Variants in PAX3 observed in about 807,000 individuals in gnomAD.
The protein encoded by PAX3 is paired box protein Pax-3.
Under a neutral mutation model 51.6 loss-of-function variants are expected in PAX3, and 14 were observed. The ratio of observed to expected loss-of-function variants is 0.27; its 90% CI spans 0.18 to 0.42. The LOEUF is 0.42. Among genes scored for constraint, PAX3 ranks in the 10% least tolerant of loss-of-function variants. The pLI is 1.00. For synonymous variants in PAX3, 280 were observed against 253.4 expected, an observed-to-expected ratio of 1.11 and a Z score of -1.00; for missense variants, 540 against 642.8, an observed-to-expected ratio of 0.84 and a Z score of 1.73.
At chr2:222,268,646 A>G (rs1480898259) in intron 4 of PAX3, among the ~76,000 whole-genome samples, 1 of 152,066 alleles carries the variant, frequency 6.6e-6, no homozygotes, top group Admixed American at 6.5e-5. Flanking sequence ...GGCAGAGGGG[A>G]GTGTTCGCCA....
intron 4 of PAX3, among the ~76,000 whole-genome samples, chr2:222,259,407 CA>C (rs1693762053): frequency 6.6e-6 from 1 of 152,096 alleles, no homozygotes; most frequent in Non-Finnish European, 1.5e-5. Context: ...AGAGATTGTA[CA>C]AAACAAATAA....
At chr2:222,279,439 G>A (rs1025543146) in intron 4 of PAX3, among the ~76,000 whole-genome samples, 2 of 152,170 alleles carry the variant, frequency 1.3e-5, no homozygotes, top group African/African-American at 4.8e-5. Flanking sequence ...TTCACCTAAG[G>A]TCAGCCCACA....
chr2:222,297,312 C>A lies in PAX3; in HGVS notation c.86-99G>T, dbSNP rs45499698. Reference sequence around the variant, plus strand: ...TAATTTCGCAGTCTTCTGTCCTATCCTCATGTTACAGCACCGACGCTGAAA... The same window carrying A: ...TAATTTCGCAGTCTTCTGTCCTATCATCATGTTACAGCACCGACGCTGAAA... On this transcript the variant is annotated intron_variant, in intron 1 of 8. Coordinates refer to ENST00000392070, the MANE Select transcript of PAX3 (RefSeq NM_181458.4). The A allele has an allele frequency of 1.9e-3, 1,686 of 883,386 alleles. 18 individuals carry two copies. In the African/African-American group the frequency reaches 0.023, roughly 12 times the overall value. The allele number at this position is 883,386 out of a possible 1,614,324, so 54.7% of individuals were successfully genotyped here. A position where few individuals can be genotyped will look rare whatever the true frequency, so the allele number is the denominator to read the frequency against.
At chr2:222,209,827 G>A (rs1280605065) in intron 7 of PAX3, among the ~76,000 whole-genome samples, 5 of 149,136 alleles carry the variant, frequency 3.4e-5, no homozygotes, top group Non-Finnish European at 7.4e-5. Context: ...GGAAGTCAAG[G>A]CTGCAATGAG....
rs545098836 is a variant in PAX3, at chr2:222,289,506, T to TG, written c.586+4660dup. Reference sequence around the variant, plus strand: ...CCGGGTGGGTTTTATTGCTCAGCCCTGGGGACTTTTAAATGACCCTTCAGT... The same window carrying TG: ...CCGGGTGGGTTTTATTGCTCAGCCCTGGGGGACTTTTAAATGACCCTTCAGT... On this transcript the variant is annotated intron_variant, in intron 4 of 8. Transcript: ENST00000392070. Among the ~76,000 whole-genome samples the TG allele has an allele frequency of 6.2e-4, 95 of 152,308 alleles. 1 individual carries two copies. In the South Asian group the frequency reaches 0.011, roughly 17 times the overall value.
At position 222,201,294 on chromosome 2, in the gene PAX3, C is replaced by A; in HGVS notation, c.*114G>T. On this transcript the variant is annotated 3_prime_UTR_variant, in exon 9 of 9. Coordinates refer to ENST00000392070, the MANE Select transcript of PAX3 (RefSeq NM_181458.4). The stretch of plus-strand genomic sequence containing the variant: ...CCTTTGTCTCCTATTGGGACCACTG[C>A]CCCACCCCCCCCAACAAAAGGGTAA... The A allele has an allele frequency of 1.3e-6, 2 of 1,593,344 alleles. No homozygotes were observed. The highest frequency in any genetic ancestry group is 1.1e-5 in the South Asian group (1 of 90,272).
Position 222,202,161 on chromosome 2 carries a change from C to T in PAX3, c.1203G>A (p.Gly401=). ...QVMGLLTNHG[G]VPHQPQTDYA... ...AATCAGTCTGGGGCTGATGAGGTAC[C>T]CCACCGTGGTTGGTCAGGAGTCCCA... Residue 401 remains glycine (G), a synonymous_variant, in exon 8 of 9, where the codon GGG becomes GGA. Transcript: ENST00000392070. The T allele has an allele frequency of 6.2e-7, 1 of 1,606,076 alleles. No homozygotes were observed.
At position 222,249,703 on chromosome 2, in the gene PAX3, C is replaced by T. The variant is rs561447921; in HGVS notation, c.587-17420G>A. Among the ~76,000 whole-genome samples, 8 of 152,274 alleles carry T rather than the reference C, an allele frequency of 5.3e-5. 1 individual carries two copies. The East Asian group carries it at 7.7e-4, about 15-fold the overall frequency. On this transcript the variant is annotated intron_variant, in intron 4 of 8. Coordinates refer to ENST00000392070, the MANE Select transcript of PAX3 (RefSeq NM_181458.4). ...GAGATTCAGAAGAAGCCCTTGCCCC[C>T]GGGGTCCCGCAGTTCTCTCCACTGT...
chr2:222,202,134 G>A lies in PAX3; in HGVS notation c.1230C>T (p.Tyr410=), dbSNP rs147111779. Residue 410 remains tyrosine (Y), a synonymous_variant, in exon 8 of 9, where the codon TAC becomes TAT. Coordinates refer to ENST00000392070, the MANE Select transcript of PAX3 (RefSeq NM_181458.4). ...GACCCCCGGTGAGAGGGGAGAGCGC[G>A]TAATCAGTCTGGGGCTGATGAGGTA... ...GGVPHQPQTD[Y]ALSPLTGGLE... The A allele has an allele frequency of 3.7e-5, 59 of 1,612,104 alleles. No homozygotes were observed. Among genetic ancestry groups the A allele is most frequent in the Middle Eastern group, 1.6e-4 (1 of 6,078 alleles).
At position 222,220,153 on chromosome 2, in the gene PAX3, C is replaced by T. The variant is rs987480491; in HGVS notation, c.1160G>A (p.Gly387Asp). The change falls in exon 7 of 9, where the codon GGC becomes GAC. Residue 387 changes from glycine (G) to aspartate (D), a missense_variant. Around this residue, in one of 3 missense-constraint regions of PAX3, gnomAD observed 427 missense variants for 483.6 expected, o/e 0.88. Transcript: ENST00000392070. ...CACGGGACTGACCTGAGGTGAGAGG[C>T]CATTGCCAATGGTGGGGTTCATGGG... is the stretch of plus-strand genomic sequence containing the variant. ...SNPMNPTIGN[G>D]LSPQVMGLLT... 3 of 1,613,374 alleles carry T rather than the reference C, an allele frequency of 1.9e-6. No individual in the cohort carries two copies. Among genetic ancestry groups the T allele is most frequent in the Admixed American group, 3.3e-5 (2 of 59,974 alleles).
chr2:222,289,754 A>G (rs998151289), intron 4 of PAX3, among the ~76,000 whole-genome samples: 1 of 152,246 alleles, frequency 6.6e-6, no homozygotes, highest in Admixed American at 6.5e-5. Flanking sequence ...TTCCAGCAGG[A>G]AAATTGTTAC....
chr2:222,297,682 T>C (rs970902074), intron 1 of PAX3, among the ~76,000 whole-genome samples: 1 of 152,176 alleles, frequency 6.6e-6, no homozygotes, highest in South Asian at 2.1e-4. Context: ...TAGCCAAAAG[T>C]GCAGCAGCCA....
chr2:222,286,332 T>G (rs1294102688), intron 4 of PAX3, among the ~76,000 whole-genome samples: 1 of 152,242 alleles, frequency 6.6e-6, no homozygotes, highest in Non-Finnish European at 1.5e-5. Context: ...CACATACTAT[T>G]ACAGATACAG....
At chr2:222,284,270 A>G (rs1014074332) in intron 4 of PAX3, among the ~76,000 whole-genome samples, 1 of 152,240 alleles carries the variant, frequency 6.6e-6, no homozygotes, top group Admixed American at 6.5e-5. Context: ...ATGAAAGACT[A>G]TAACAGCATT....
At chr2:222,257,887 A>G (rs1693708011) in intron 4 of PAX3, among the ~76,000 whole-genome samples, 1 of 152,134 alleles carries the variant, frequency 6.6e-6, no homozygotes, top group Non-Finnish European at 1.5e-5. Flanking sequence ...GAGTTCCCAC[A>G]CCACCTCTGT....
intron 7 of PAX3, among the ~76,000 whole-genome samples, chr2:222,209,932 A>G (rs7588554): frequency 0.3 from 45,544 of 151,708 alleles, 8,646 homozygotes; most frequent in Non-Finnish European, 0.43. Context: ...ATTTCTACCA[A>G]CTCTACAAAT....
chr2:222,229,625 A>T (rs1424825620), intron 5 of PAX3, among the ~76,000 whole-genome samples: 2 of 152,168 alleles, frequency 1.3e-5, no homozygotes, highest in African/African-American at 4.8e-5. Context: ...ATGTGAGCTC[A>T]CTGGCCTGAA....
At chr2:222,224,914 G>A (rs1692327714) in intron 5 of PAX3, among the ~76,000 whole-genome samples, 1 of 152,194 alleles carries the variant, frequency 6.6e-6, no homozygotes, top group Non-Finnish European at 1.5e-5. Flanking sequence ...TGTTCTAGGA[G>A]AGAACAGAAA....
At chr2:222,288,743 AC>A (rs1035916018) in intron 4 of PAX3, among the ~76,000 whole-genome samples, 15 of 152,280 alleles carry the variant, frequency 9.9e-5, no homozygotes, top group Admixed American at 3.9e-4. Flanking sequence ...AATTAAAAAC[AC>A]CCCATGAGTC....
Sources: gnomAD v4.1 joint callset for allele counts (sites outside exome capture counted in the v4.1 genomes callset) on GRCh38, gnomAD v4.1.1 for gene constraint, gnomAD v4.1.1 regional missense constraint, MANE v1.5 for transcripts, NCBI Gene and HGNC (gene_info 2026-07-23, HGNC 2026-07-21) for gene names.